The following TAMM41 variants were observed in gnomAD, a reference collection of about 807,000 sequenced individuals.
The protein encoded by TAMM41 is phosphatidate cytidylyltransferase, mitochondrial.
In TAMM41, 36 loss-of-function variants were observed where a neutral mutation model predicts 44.1. The ratio of observed to expected loss-of-function variants is 0.82; its 90% CI spans 0.63 to 1.08. The LOEUF (loss-of-function observed/expected upper bound fraction) is 1.08. Ranked by LOEUF, TAMM41 falls within the 50% of genes least tolerant of loss-of-function variation. TAMM41 has a pLI of 0.00. For missense variants in TAMM41, 417 were observed against 404.3 expected (o/e 1.03, Z -0.27); for synonymous variants, 164 against 153.1 (o/e 1.07, Z -0.53).
intron 7 of TAMM41, among the ~76,000 whole-genome samples, chr3:11,804,893 C>G (rs935787959): frequency 6.7e-6 from 1 of 149,444 alleles, no homozygotes; most frequent in South Asian, 2.1e-4. Flanking sequence ...GAGACAGGGT[C>G]TCACTCTGTC....
intron 3 of TAMM41, among the ~76,000 whole-genome samples, chr3:11,834,466 T>C (rs971777322): frequency 6.6e-6 from 1 of 152,144 alleles, no homozygotes; most frequent in Admixed American, 6.5e-5. Context: ...ACTTTAGAGG[T>C]TTCTTGGCTT....
intron 7 of TAMM41, among the ~76,000 whole-genome samples, chr3:11,792,199 G>A (rs1290712885): frequency 2.0e-5 from 3 of 151,930 alleles, no homozygotes; most frequent in Non-Finnish European, 4.4e-5. Flanking sequence ...GCTGCTAGTG[G>A]ACAGAAATCT....
At chr3:11,777,364 T>A in the TAMM41 span, among the ~76,000 whole-genome samples, 6 of 152,190 alleles carry the variant, frequency 3.9e-5, no homozygotes, top group Admixed American at 1.3e-4. Context: ...TTTGGGCATT[T>A]CCAAAAAGGA....
chr3:11,798,264 G>A (rs1015031973), intron 7 of TAMM41, among the ~76,000 whole-genome samples: 72 of 152,064 alleles, frequency 4.7e-4, no homozygotes, highest in Non-Finnish European at 1.5e-4. Flanking sequence ...CCCATCAATC[G>A]TAGACTGCAT....
the TAMM41 span, among the ~76,000 whole-genome samples, chr3:11,748,386 A>G: frequency 6.6e-6 from 1 of 151,760 alleles, no homozygotes; most frequent in Non-Finnish European, 1.5e-5. Flanking sequence ...AGGTTCAAAC[A>G]ATTCTCATGC....
chr3:11,733,785 A>G, the TAMM41 span, among the ~76,000 whole-genome samples: 71 of 151,404 alleles, frequency 4.7e-4, no homozygotes, highest in African/African-American at 1.7e-3. Context: ...GTGAGCCACC[A>G]CGCCCGGCCA....
chr3:11,774,901 C>T, the TAMM41 span, among the ~76,000 whole-genome samples: 1 of 143,350 alleles, frequency 7.0e-6, no homozygotes. Context: ...CGGAGTCTCG[C>T]TTTGTTACCC....
In TAMM41 at chr3:11,844,905, G is replaced by A. The variant is rs143607804; in HGVS notation, c.136-694C>T. 2.8e-3 allele frequency: 1,286 copies of A among 456,602 alleles called. 20 individuals are homozygous for A. The highest frequency in any genetic ancestry group is 1.7e-3 in the Non-Finnish European group (390 of 226,942). The allele number at this position is 456,602 out of a possible 1,614,324, so 28.3% of individuals were successfully genotyped here. ...AATGTACTAACTGCACTCAGCATAG[G>A]GATCAGATCAGGGGCACAGGAGGGA... is the stretch of plus-strand genomic sequence containing the variant. On this transcript the variant is annotated intron_variant, in intron 1 of 7. Coordinates refer to ENST00000455809, the MANE Select transcript of TAMM41 (RefSeq NM_001284401.2).
chr3:11,774,392 C>A, the TAMM41 span, among the ~76,000 whole-genome samples: 5 of 152,178 alleles, frequency 3.3e-5, no homozygotes, highest in Admixed American at 6.5e-5. Context: ...CAGGGAGGCT[C>A]TCCAGCCTGC....
the TAMM41 span, among the ~76,000 whole-genome samples, chr3:11,742,246 T>C: frequency 6.7e-6 from 1 of 150,000 alleles, no homozygotes; most frequent in East Asian, 1.9e-4. Context: ...CACTGTGCCC[T>C]CTCTCCTCAT....
chr3:11,730,084 A>G, the TAMM41 span, among the ~76,000 whole-genome samples: 1 of 152,174 alleles, frequency 6.6e-6, no homozygotes, highest in Non-Finnish European at 1.5e-5. Flanking sequence ...GAGAATCTCT[A>G]AATAAATAAT....
At chr3:11,844,803 G>C in intron 1 of TAMM41, 1 of 405,264 alleles carries the variant, frequency 2.5e-6, no homozygotes, top group South Asian at 1.8e-5. Context: ...CAGGCCCTAG[G>C]GTAGAAGTAT....
At chr3:11,785,220 G>C in the TAMM41 span, among the ~76,000 whole-genome samples, 7 of 152,236 alleles carry the variant, frequency 4.6e-5, no homozygotes, top group African/African-American at 1.4e-4. Flanking sequence ...TTGCTGATTG[G>C]AGACCGTGGT....
At chr3:11,774,878 T>TTC in the TAMM41 span, among the ~76,000 whole-genome samples, 1 of 151,552 alleles carries the variant, frequency 6.6e-6, no homozygotes, top group African/African-American at 2.4e-5. Context: ...GCATTTTTTT[T>TTC]TTTTTTTTGA....
At chr3:11,774,679 G>A in the TAMM41 span, among the ~76,000 whole-genome samples, 2 of 152,036 alleles carry the variant, frequency 1.3e-5, no homozygotes, top group Admixed American at 6.5e-5. Context: ...TGGGAAGTCT[G>A]AGATCAAGGC....
chr3:11,844,245 T>C, intron 1 of TAMM41, 34 bp from the exon 2 acceptor site: 1 of 1,598,738 alleles, frequency 6.3e-7, no homozygotes, highest in Non-Finnish European at 8.5e-7. Flanking sequence ...AATTTCAGTA[T>C]TAATTCCTAG....
At chr3:11,784,284 C>A in the TAMM41 span, among the ~76,000 whole-genome samples, 1 of 152,182 alleles carries the variant, frequency 6.6e-6, no homozygotes, top group African/African-American at 2.4e-5. Flanking sequence ...CACTTGAGTT[C>A]AGGAGTTTGA....
intron 5 of TAMM41, among the ~76,000 whole-genome samples, chr3:11,813,935 T>C (rs972104974): frequency 2.0e-5 from 3 of 149,374 alleles, no homozygotes; most frequent in Non-Finnish European, 1.5e-5. Flanking sequence ...TATGTGTGTA[T>C]ATATGTGTAT....
At chr3:11,741,129 G>C in the TAMM41 span, among the ~76,000 whole-genome samples, 1 of 137,872 alleles carries the variant, frequency 7.3e-6, no homozygotes, top group African/African-American at 2.9e-5. Flanking sequence ...TGAGGCAGGA[G>C]AATAGCTTGA....
Sources: gnomAD v4.1 joint callset for allele counts (sites outside exome capture counted in the v4.1 genomes callset) on GRCh38, gnomAD v4.1.1 for gene constraint, MANE v1.5 for transcripts, NCBI Gene and HGNC (gene_info 2026-07-23, HGNC 2026-07-21) for gene names.